KLF11: variants seen among roughly 807,000 people sequenced by gnomAD.
KLF11 encodes the protein KLF transcription factor 11.
A neutral mutation model predicts 29.9 loss-of-function variants in KLF11; 26 were observed. The ratio of observed to expected loss-of-function variants is 0.87; its 90% CI spans 0.64 to 1.21. The LOEUF (loss-of-function observed/expected upper bound fraction) is 1.21, where lower values mean the gene tolerates loss of function less well. Ranked by LOEUF, KLF11 falls within the 50% of genes most tolerant of loss-of-function variation. The probability of loss-of-function intolerance (pLI) is 0.00; values close to 1 mark genes in which losing one functional copy is unlikely to be tolerated. For synonymous variants in KLF11, 318 were observed against 257.4 expected, an observed-to-expected ratio of 1.24 and a Z score of -2.25; for missense variants, 778 against 665.7, an observed-to-expected ratio of 1.17 and a Z score of -1.86.
chr2:10,050,125 C>T (rs1477578247), intron 3 of KLF11, among the ~76,000 whole-genome samples: 1 of 152,186 alleles, frequency 6.6e-6, no homozygotes, highest in African/African-American at 2.4e-5. Flanking sequence ...AATTCAATAA[C>T]AGGCCTTGTA....
rs553083479 is a variant in KLF11 at position 10,048,332 on chromosome 2, C to G, written c.995C>G (p.Pro332Arg). Residue 332 changes from proline (P) to arginine (R), a missense_variant, in exon 3 of 4, where the codon CCT (proline) becomes CGT (arginine). Physicochemically the swap from Pro to Arg is moderately radical, Grantham distance 103. Transcript: ENST00000305883. The part of the protein sequence containing the change: ...APAPQPVFVG[P>R]AVPQGAVMLV... ...GCGCCTCAACCTGTGTTCGTGGGAC[C>G]TGCTGTGCCTCAGGGAGCTGTGATG... is the stretch of plus-strand genomic sequence containing the variant. The G allele has an allele frequency of 6.2e-7, 1 of 1,603,336 alleles. No individual in the cohort carries two copies. The highest frequency in any genetic ancestry group is 1.1e-5 in the South Asian group (1 of 89,856).
intron 3 of KLF11, 30 bp downstream of exon 3, chr2:10,048,625 C>A (rs781046751): frequency 6.6e-7 from 1 of 1,514,364 alleles, no homozygotes; most frequent in South Asian, 1.1e-5. Context: ...GGGCATTGGG[C>A]ACACCAGACC....
chr2:10,051,758 C>G (rs1011549001), intron 3 of KLF11, among the ~76,000 whole-genome samples: 1 of 152,174 alleles, frequency 6.6e-6, no homozygotes. Flanking sequence ...ACTTTGTGAT[C>G]CGCCCGCCTC....
intron 3 of KLF11, 110 bp from the exon 4 acceptor site, chr2:10,052,117 C>A: frequency 8.8e-7 from 1 of 1,131,622 alleles, no homozygotes; most frequent in Non-Finnish European, 1.3e-6. Flanking sequence ...AATAAGATAC[C>A]ACTTTCTTCT....
chr2:10,049,642 A>G (rs1456167423), intron 3 of KLF11, among the ~76,000 whole-genome samples: 1 of 152,212 alleles, frequency 6.6e-6, no homozygotes, highest in East Asian at 1.9e-4. Flanking sequence ...ATCTCTACTT[A>G]CTGAAACCCT....
intron 2 of KLF11, among the ~76,000 whole-genome samples, 159 bp downstream of exon 2, chr2:10,046,578 C>A (rs1661211568): frequency 6.6e-6 from 1 of 152,154 alleles, no homozygotes; most frequent in Non-Finnish European, 1.5e-5. Flanking sequence ...TTCCTTTGGC[C>A]AGGCATGGTG....
intron 3 of KLF11, 50 bp from the exon 4 acceptor site, chr2:10,052,177 A>C: frequency 6.4e-7 from 1 of 1,562,356 alleles, no homozygotes; most frequent in Non-Finnish European, 8.8e-7. Context: ...CCCTTGAATA[A>C]GGTGCTTAGC....
At position 10,046,248 on chromosome 2, in the gene KLF11, T is replaced by C. The variant is rs138710480; in HGVS notation, c.141T>C (p.Ala47=). 6.2e-7 allele frequency: 1 copy of C among 1,614,202 alleles called. No individual in the cohort carries two copies. Among genetic ancestry groups the C allele is most frequent in the Non-Finnish European group, 8.5e-7 (1 of 1,180,038 alleles). ...CSILEQTDME[A]VEALVCMSSW... ...TCTTGGAGCAGACAGACATGGAAGC[T>C]GTCGAGGCTCTTGTTTGTATGAGCT... Residue 47 remains alanine, a synonymous_variant, in exon 2 of 4, where the codon GCT becomes GCC. Transcript: ENST00000305883.
chr2:10,047,049 G>A (rs1284163312), intron 2 of KLF11, among the ~76,000 whole-genome samples: 1 of 152,138 alleles, frequency 6.6e-6, no homozygotes, highest in Non-Finnish European at 1.5e-5. Flanking sequence ...CCAGCCTAGT[G>A]TCAGAATATA....
Position 10,047,708 on chromosome 2 carries a change from C to T in KLF11, c.371C>T (p.Ser124Phe), listed in dbSNP as rs61755332. 1.1e-5 allele frequency: 17 copies of T among 1,613,630 alleles called. No individual in the cohort carries two copies. Among genetic ancestry groups the T allele is most frequent in the East Asian group, 8.9e-5 (4 of 44,886 alleles). The part of the protein sequence containing the change: ...LVEPSTRTPV[S>F]PQVTDSKACT... ...GAGCCATCGACAAGGACACCTGTTTCTCCCCAAGTAACAGATTCCAAAGCA... is the reference window on the plus strand; with the variant it reads ...GAGCCATCGACAAGGACACCTGTTTTTCCCCAAGTAACAGATTCCAAAGCA... Residue 124 changes from serine to phenylalanine, a missense_variant, in exon 3 of 4, where the codon TCT (serine) becomes TTT (phenylalanine). Transcript: ENST00000305883.
At chr2:10,044,010 C>T (rs1209987673) in intron 1 of KLF11, 5 of 748,086 alleles carry the variant, frequency 6.7e-6, no homozygotes, top group Non-Finnish European at 8.2e-6. Context: ...TCCTGGGCGG[C>T]CCCGCCCCGC....
At position 10,048,474 on chromosome 2, in the gene KLF11, C is replaced by G. The variant is rs199624763; in HGVS notation, c.1137C>G (p.Ser379Arg). The G allele has an allele frequency of 4.5e-5, 72 of 1,613,962 alleles. No individual in the cohort carries two copies. Among genetic ancestry groups the G allele is most frequent in the Admixed American group, 5.0e-5 (3 of 60,004 alleles). Residue 379 changes from serine (S) to arginine (R), a missense_variant, in exon 3 of 4, where the codon AGC becomes AGG. Ser to Arg is a moderately radical substitution (Grantham distance 110). Transcript: ENST00000305883. ...CTGCTCCAGTGTTCATCACCTCTAG[C>G]CAAAACTGTGTCCCTCAGGTAGACT... Reference protein sequence around the residue: ...LAPAPVFITSSQNCVPQVDFS... With the variant: ...LAPAPVFITSRQNCVPQVDFS...
At position 10,053,555 on chromosome 2, in the gene KLF11, A is replaced by C. The variant is rs1188301004; in HGVS notation, c.*1048A>C. 1 of 397,912 alleles carries C rather than the reference A, an allele frequency of 2.5e-6. No individual in the cohort carries two copies. Among genetic ancestry groups the C allele is most frequent in the Non-Finnish European group, 4.4e-6 (1 of 225,842 alleles). 24.6% of individuals were successfully genotyped at this position (397,912 alleles called of 1,614,324 possible). On this transcript the variant is annotated 3_prime_UTR_variant, in exon 4 of 4. Coordinates refer to ENST00000305883, the MANE Select transcript of KLF11 (RefSeq NM_003597.5). ...GATGCATGTGAAGGCAGGCAGTGCC[A>C]AGATTCCGCTTCCTTTGTTTGCCAA...
intron 1 of KLF11, chr2:10,044,359 G>A: frequency 2.0e-6 from 2 of 985,738 alleles, no homozygotes; most frequent in Non-Finnish European, 1.2e-6. Flanking sequence ...CGCGACCTGG[G>A]GGCTTCGGGG....
chr2:10,047,908 C>T lies in KLF11; in HGVS notation c.571C>T (p.Gln191Ter), dbSNP rs1200191032. 6.2e-7 allele frequency: 1 copy of T among 1,613,858 alleles called. No individual in the cohort carries two copies. Residue 191 changes from glutamine to a stop codon, truncating the protein, a stop_gained, in exon 3 of 4, where the codon CAG becomes TAG. Transcript: ENST00000305883. LOFTEE classifies it high-confidence loss of function. ...CCCTGCTGCCTGCTTTCCCACCATC[C>T]AGACTCCAGATTGCCGGCTTTCTGA... ...ESPAACFPTI[Q>*]TPDCRLSDSR... is the part of the protein sequence containing the mutation.
chr2:10,052,283 G>T lies in KLF11; in HGVS notation c.1315G>T (p.Asp439Tyr). ...DGCDKKFARS[D>Y]ELSRHRRTHT... ...CTGTGATAAAAAGTTTGCTCGTTCG[G>T]ATGAGCTGTCACGCCACCGCAGAAC... Residue 439 changes from aspartate to tyrosine, a missense_variant, in exon 4 of 4, where the codon GAT becomes TAT. Coordinates refer to ENST00000305883, the MANE Select transcript of KLF11 (RefSeq NM_003597.5). The T allele has an allele frequency of 6.2e-7, 1 of 1,614,140 alleles. No individual in the cohort carries two copies. The highest frequency in any genetic ancestry group is 8.5e-7 in the Non-Finnish European group (1 of 1,180,018).
intron 1 of KLF11, among the ~76,000 whole-genome samples, chr2:10,044,884 G>T (rs1661140128): frequency 6.6e-6 from 1 of 152,122 alleles, no homozygotes; most frequent in African/African-American, 2.4e-5. Context: ...GGTGGCTCAC[G>T]TCTGTAATCC....
chr2:10,052,645 A>G lies in KLF11; in HGVS notation c.*138A>G. 1 of 818,636 alleles carries G rather than the reference A, an allele frequency of 1.2e-6. No individual in the cohort carries two copies. The highest frequency in any genetic ancestry group is 2.2e-5 in the Admixed American group (1 of 44,890). 50.7% of individuals were successfully genotyped at this position (818,636 alleles called of 1,614,324 possible). ...GGGGAAGATCGGGGAGCTGGTTTTG[A>G]TGAAAGTATGTTAACTTTTCTTTTC... On this transcript the variant is annotated 3_prime_UTR_variant, in exon 4 of 4. Transcript: ENST00000305883.
chr2:10,048,428 C>A lies in KLF11; in HGVS notation c.1091C>A (p.Thr364Asn). 2 of 1,614,172 alleles carry A rather than the reference C, an allele frequency of 1.2e-6. No homozygotes were observed. Among genetic ancestry groups the A allele is most frequent in the South Asian group, 2.2e-5 (2 of 91,090 alleles). Reference sequence around the variant, plus strand: ...GCCAATGTCATGGCTGCCGGGAATACCAAGTTGTTGCCCCTTGCCCCTGCT... The same window carrying A: ...GCCAATGTCATGGCTGCCGGGAATAACAAGTTGTTGCCCCTTGCCCCTGCT... The part of the protein sequence containing the change: ...CAANVMAAGN[T>N]KLLPLAPAPV... The change falls in exon 3 of 4, where the codon ACC becomes AAC. Residue 364 changes from threonine to asparagine, a missense_variant. Physicochemically the swap from Thr to Asn is moderately conservative, Grantham distance 65. Transcript: ENST00000305883.
Sources: gnomAD v4.1 joint callset for allele counts (sites outside exome capture counted in the v4.1 genomes callset) on GRCh38, gnomAD v4.1.1 for gene constraint, MANE v1.5 for transcripts, NCBI Gene and HGNC (gene_info 2026-07-23, HGNC 2026-07-21) for gene names.